The following NKAIN2 variants were observed in gnomAD, a reference collection of about 807,000 sequenced individuals.
NKAIN2 encodes sodium/potassium-transporting ATPase subunit beta-1-interacting protein 2.
NKAIN2 carries 14 observed loss-of-function variants against 32.6 expected under a neutral mutation model. The ratio of observed to expected loss-of-function variants is 0.43; its 90% CI spans 0.28 to 0.67. The LOEUF is 0.67. Ranked by LOEUF, NKAIN2 falls within the 30% of genes least tolerant of loss-of-function variation. The pLI is 0.17. For synonymous variants in NKAIN2, 80 were observed against 87.2 expected (o/e 0.92, Z 0.46); for missense variants, 198 against 258.3 (o/e 0.77, Z 1.60).
chr6:124,563,494 G>C (rs1477285740), intron 3 of NKAIN2, among the ~76,000 whole-genome samples: 1 of 152,032 alleles, frequency 6.6e-6, no homozygotes. Context: ...TTTGGTTCAG[G>C]CTCTCCTTTT....
intron 4 of NKAIN2, among the ~76,000 whole-genome samples, chr6:124,664,477 T>C (rs552759364): frequency 6.6e-6 from 1 of 152,066 alleles, no homozygotes; most frequent in East Asian, 1.9e-4. Context: ...ATATTTAACA[T>C]ATATACAAAT....
chr6:124,759,657 C>CACACA (rs1562367850), intron 4 of NKAIN2, among the ~76,000 whole-genome samples: 1,627 of 75,396 alleles, frequency 0.022, 267 homozygotes, highest in East Asian at 0.05. Context: ...ACACACACAC[C>CACACA]CCCTATCTCC....
At chr6:124,519,749 A>C (rs1360264783) in intron 3 of NKAIN2, among the ~76,000 whole-genome samples, 1 of 152,240 alleles carries the variant, frequency 6.6e-6, no homozygotes, top group East Asian at 1.9e-4. Flanking sequence ...AAATTTAAGC[A>C]GCAGATTTGA....
At chr6:124,519,409 T>C (rs1779041410) in intron 3 of NKAIN2, among the ~76,000 whole-genome samples, 1 of 152,150 alleles carries the variant, frequency 6.6e-6, no homozygotes, top group South Asian at 2.1e-4. Flanking sequence ...GGAGTTAGAA[T>C]TCCAAGACAA....
chr6:124,606,341 T>C (rs1178842337), intron 3 of NKAIN2, among the ~76,000 whole-genome samples: 1 of 152,042 alleles, frequency 6.6e-6, no homozygotes, highest in Non-Finnish European at 1.5e-5. Flanking sequence ...GGAGAATGTC[T>C]TTTTACAGAG....
chr6:124,433,234 A>G (rs2114571146), intron 3 of NKAIN2, among the ~76,000 whole-genome samples: 1 of 152,304 alleles, frequency 6.6e-6, no homozygotes, highest in East Asian at 1.9e-4. Context: ...TGTTAGAAAA[A>G]GGGCATAATT....
At chr6:124,059,452 C>T (rs867123523) in intron 1 of NKAIN2, among the ~76,000 whole-genome samples, 2 of 152,080 alleles carry the variant, frequency 1.3e-5, no homozygotes, top group East Asian at 1.9e-4. Flanking sequence ...CTTATCTAAC[C>T]CTTACACCTG....
chr6:124,769,134 G>A (rs1778639439), intron 4 of NKAIN2, among the ~76,000 whole-genome samples: 1 of 152,106 alleles, frequency 6.6e-6, no homozygotes, highest in Admixed American at 6.5e-5. Flanking sequence ...TTCATTTGGT[G>A]GACTGTGAGC....
At chr6:124,062,048 G>A (rs904069856) in intron 1 of NKAIN2, among the ~76,000 whole-genome samples, 6 of 152,056 alleles carry the variant, frequency 3.9e-5, no homozygotes, top group African/African-American at 1.4e-4. Context: ...TAAAACCAAT[G>A]TTATACTTTT....
At chr6:124,167,232 A>G (rs1449996404) in intron 1 of NKAIN2, among the ~76,000 whole-genome samples, 8 of 150,698 alleles carry the variant, frequency 5.3e-5, no homozygotes, top group Non-Finnish European at 8.9e-5. Context: ...GAGGTCCTTC[A>G]TGTCCCTTGT....
chr6:124,129,154 A>G (rs1786330189), intron 1 of NKAIN2, among the ~76,000 whole-genome samples: 1 of 152,236 alleles, frequency 6.6e-6, no homozygotes, highest in African/African-American at 2.4e-5. Flanking sequence ...ACTGAAAGAC[A>G]TAACTTTTCA....
At chr6:124,566,429 G>A (rs1350153155) in intron 3 of NKAIN2, among the ~76,000 whole-genome samples, 1 of 152,150 alleles carries the variant, frequency 6.6e-6, no homozygotes, top group Non-Finnish European at 1.5e-5. Context: ...GTGGCAGGTA[G>A]CAGGGGCCCA....
intron 1 of NKAIN2, among the ~76,000 whole-genome samples, chr6:124,119,285 C>T (rs1785761315): frequency 6.6e-6 from 1 of 152,152 alleles, no homozygotes; most frequent in African/African-American, 2.4e-5. Flanking sequence ...ATTCTGCATT[C>T]TCCAGAACAA....
intron 1 of NKAIN2, among the ~76,000 whole-genome samples, chr6:123,902,232 A>G (rs1774627670): frequency 2.0e-5 from 3 of 152,198 alleles, no homozygotes; most frequent in African/African-American, 7.2e-5. Flanking sequence ...TGGAATCGGT[A>G]TGACTACAGA....
intron 1 of NKAIN2, among the ~76,000 whole-genome samples, chr6:123,930,549 T>G (rs557079271): frequency 6.6e-6 from 1 of 152,310 alleles, no homozygotes; most frequent in East Asian, 1.9e-4. Context: ...CACCTTTAAA[T>G]ATGAAGTATG....
At chr6:124,274,728 A>G (rs1355957742) in intron 1 of NKAIN2, among the ~76,000 whole-genome samples, 1 of 152,122 alleles carries the variant, frequency 6.6e-6, no homozygotes, top group Non-Finnish European at 1.5e-5. Flanking sequence ...ACAGAATATA[A>G]TAACTACTCA....
intron 1 of NKAIN2, among the ~76,000 whole-genome samples, chr6:124,038,982 A>C (rs1236133257): frequency 6.6e-6 from 1 of 152,114 alleles, no homozygotes; most frequent in Non-Finnish European, 1.5e-5. Context: ...ACAAGTTTTC[A>C]TGGTCATGGT....
chr6:124,047,209 C>T lies in NKAIN2; in HGVS notation c.55-235796C>T, dbSNP rs189795244. 2.6e-3 allele frequency among the ~76,000 whole-genome samples: 388 copies of T among 152,064 alleles called. 4 individuals are homozygous for T. The highest frequency in any genetic ancestry group is 9.2e-3 in the African/African-American group (380 of 41,512). ...GAAGGTCTTTGGGTTTGCCATATGA[C>T]ACAGTTTCAATGAACTTTGACTGCA... On this transcript the variant is annotated intron_variant, in intron 1 of 6. Coordinates refer to ENST00000368417, the MANE Select transcript of NKAIN2 (RefSeq NM_001040214.3).
At chr6:124,641,592 C>G (rs1783995855) in intron 3 of NKAIN2, among the ~76,000 whole-genome samples, 1 of 86,522 alleles carries the variant, frequency 1.2e-5, no homozygotes, top group African/African-American at 4.2e-5. Context: ...TGCTCTGTTG[C>G]CCAGGCTGGA....
Sources: gnomAD v4.1 joint callset for allele counts (sites outside exome capture counted in the v4.1 genomes callset) on GRCh38, gnomAD v4.1.1 for gene constraint, MANE v1.5 for transcripts, NCBI Gene and HGNC (gene_info 2026-07-23, HGNC 2026-07-21) for gene names.